The following ACTR2 variants were observed in gnomAD, a reference collection of about 807,000 sequenced individuals.
ACTR2 encodes the protein actin-related protein 2.
Under a neutral mutation model 50.2 loss-of-function variants are expected in ACTR2, and 5 were observed. The observed-to-expected ratio is 0.10, with a 90% CI of 0.05 to 0.21. ACTR2 has a LOEUF of 0.21. ACTR2 is among the 10% of genes least tolerant of loss of function. The probability of loss-of-function intolerance (pLI) is 1.00; values close to 1 mark genes in which losing one functional copy is unlikely to be tolerated. For synonymous variants in ACTR2, 140 were observed against 162.9 expected, an observed-to-expected ratio of 0.86 and a Z score of 1.07; for missense variants, 180 against 480.6, an observed-to-expected ratio of 0.37 and a Z score of 5.85.
chr2:65,243,123 A>C (rs750068111), intron 2 of ACTR2, among the ~76,000 whole-genome samples: 1 of 152,068 alleles, frequency 6.6e-6, no homozygotes. Flanking sequence ...TACTAAAAAT[A>C]GAAAAATCAG....
chr2:65,243,974 A>G (rs1381826259), intron 2 of ACTR2, among the ~76,000 whole-genome samples: 1 of 152,110 alleles, frequency 6.6e-6, no homozygotes, highest in Non-Finnish European at 1.5e-5. Flanking sequence ...AAAATTTTCG[A>G]TATGAAAATT....
chr2:65,248,168 G>A (rs1250401298), intron 3 of ACTR2, among the ~76,000 whole-genome samples: 3 of 152,126 alleles, frequency 2.0e-5, no homozygotes, highest in African/African-American at 7.2e-5. Flanking sequence ...CTGGGAGGCC[G>A]AGGTGGGCGG....
intron 4 of ACTR2, among the ~76,000 whole-genome samples, chr2:65,252,079 A>G (rs555716882): frequency 3.3e-5 from 5 of 152,048 alleles, no homozygotes; most frequent in Non-Finnish European, 7.4e-5. Context: ...GTGTGTTTGG[A>G]GAAAGGCCAG....
chr2:65,260,460 C>T (rs764130761), intron 6 of ACTR2, among the ~76,000 whole-genome samples: 15 of 152,190 alleles, frequency 9.9e-5, no homozygotes, highest in East Asian at 1.9e-4. Context: ...GAGCCGAGAT[C>T]GTGCCATTGC....
intron 6 of ACTR2, among the ~76,000 whole-genome samples, chr2:65,259,388 C>G (rs1352443736): frequency 6.6e-6 from 1 of 151,982 alleles, no homozygotes; most frequent in Admixed American, 6.6e-5. Flanking sequence ...CACCACTGCC[C>G]TCTAGCCTGG....
At chr2:65,240,797 A>G (rs1431507016) in intron 2 of ACTR2, among the ~76,000 whole-genome samples, 1 of 152,182 alleles carries the variant, frequency 6.6e-6, no homozygotes, top group East Asian at 1.9e-4. Flanking sequence ...TGTTTGTCCT[A>G]TCTGGATAGT....
At chr2:65,262,692 T>C (rs977169663) in intron 7 of ACTR2, among the ~76,000 whole-genome samples, 1 of 152,148 alleles carries the variant, frequency 6.6e-6, no homozygotes, top group Admixed American at 6.6e-5. Flanking sequence ...GGGTGGTGGC[T>C]TCTGGCTGTA....
chr2:65,253,870 T>C lies in ACTR2; in HGVS notation c.585+6T>C. On this transcript the variant is annotated splice_donor_region_variant and intron_variant, in intron 5 of 8. Coordinates refer to ENST00000260641, the MANE Select transcript of ACTR2 (RefSeq NM_005722.4). ...TAACTAGATATCTTATCAAGGTAAG[T>C]GAAAGGAAAATATCATGGAAATTAA... The C allele has an allele frequency of 6.2e-7, 1 of 1,606,552 alleles. No homozygotes were observed. The highest frequency in any genetic ancestry group is 8.5e-7 in the Non-Finnish European group (1 of 1,174,384).
intron 1 of ACTR2, chr2:65,228,171 CT>C (rs1671564630): frequency 2.4e-6 from 1 of 422,980 alleles, no homozygotes; most frequent in Non-Finnish European, 4.1e-6. Flanking sequence ...CCCCCTCACC[CT>C]TCCGGGTGGG....
At chr2:65,235,787 G>A (rs1244155051) in intron 1 of ACTR2, among the ~76,000 whole-genome samples, 1 of 152,008 alleles carries the variant, frequency 6.6e-6, no homozygotes, top group Non-Finnish European at 1.5e-5. Context: ...CAAAAGAATT[G>A]TATTATACTT....
At chr2:65,243,305 C>T (rs754412776) in intron 2 of ACTR2, among the ~76,000 whole-genome samples, 4 of 150,970 alleles carry the variant, frequency 2.6e-5, no homozygotes, top group South Asian at 2.1e-4. Context: ...GGAAAGAGTG[C>T]GCTTGTAGAG....
At chr2:65,258,381 G>T (rs1263359137) in intron 6 of ACTR2, among the ~76,000 whole-genome samples, 2 of 152,022 alleles carry the variant, frequency 1.3e-5, no homozygotes, top group African/African-American at 2.4e-5. Flanking sequence ...TTCATGGCCA[G>T]CCTGGGCAAT....
chr2:65,258,264 T>C (rs571929946), intron 6 of ACTR2, among the ~76,000 whole-genome samples: 70 of 152,244 alleles, frequency 4.6e-4, no homozygotes, highest in African/African-American at 1.7e-3. Context: ...TCAAAGAATT[T>C]GAGGTAGGCT....
chr2:65,234,775 T>A (rs1288487349), intron 1 of ACTR2, among the ~76,000 whole-genome samples: 1 of 152,222 alleles, frequency 6.6e-6, no homozygotes, highest in African/African-American at 2.4e-5. Flanking sequence ...ACTTATTTAT[T>A]TGCATTCAGC....
chr2:65,253,533 T>C (rs1338952711), intron 4 of ACTR2, among the ~76,000 whole-genome samples, 195 bp from the exon 5 acceptor site: 13 of 138,114 alleles, frequency 9.4e-5, no homozygotes, highest in African/African-American at 3.5e-4. Context: ...CACATAATAG[T>C]AGACTAAAAG....
chr2:65,246,757 A>C lies in ACTR2; in HGVS notation c.375+18A>C, dbSNP rs201835239. 5.5e-4 allele frequency: 819 copies of C among 1,482,194 alleles called. No homozygotes were observed. The highest frequency in any genetic ancestry group is 6.8e-4 in the Non-Finnish European group (728 of 1,075,782). 91.8% of individuals were successfully genotyped at this position (1,482,194 alleles called of 1,614,324 possible). A position where few individuals can be genotyped will look rare whatever the true frequency, so the allele number is the denominator to read the frequency against. ...TTGTAGAGGTGAGTTTTTATGCAGG[A>C]TATGCATATGTGTATTTCTGTGATA... On this transcript the variant is annotated intron_variant, in intron 3 of 8. Coordinates refer to ENST00000260641, the MANE Select transcript of ACTR2 (RefSeq NM_005722.4).
At chr2:65,237,425 C>CG (rs111542629) in intron 1 of ACTR2, among the ~76,000 whole-genome samples, 2 of 151,708 alleles carry the variant, frequency 1.3e-5, no homozygotes, top group African/African-American at 4.8e-5. Flanking sequence ...TAATTTTTTC[C>CG]GGGGGGGAAT....
chr2:65,255,783 A>G, intron 6 of ACTR2, 89 bp downstream of exon 6: 2 of 1,257,970 alleles, frequency 1.6e-6, no homozygotes, highest in Non-Finnish European at 2.2e-6. Context: ...TCTTAGAATC[A>G]GTATTTTTGT....
At chr2:65,251,379 G>C (rs1237644280) in intron 4 of ACTR2, among the ~76,000 whole-genome samples, 17 of 151,198 alleles carry the variant, frequency 1.1e-4, no homozygotes, top group Non-Finnish European at 4.4e-5. Context: ...AATTTTTTTT[G>C]AGACAGATTT....
Sources: allele counts gnomAD v4.1 joint callset (sites outside exome capture counted in the v4.1 genomes callset), GRCh38; gene constraint gnomAD v4.1.1; transcripts MANE v1.5; gene names NCBI Gene and HGNC (gene_info 2026-07-23, HGNC 2026-07-21).